Variants in RAB3GAP1 observed in about 807,000 individuals in gnomAD.
RAB3GAP1 encodes the protein RAB3 GTPase activating protein catalytic subunit 1.
A neutral mutation model predicts 130.7 loss-of-function variants in RAB3GAP1; 86 were observed. That is an observed-to-expected ratio of 0.66 (90% CI 0.55 to 0.79). RAB3GAP1 has a LOEUF of 0.79. Ranked by LOEUF, RAB3GAP1 falls within the 30% of genes least tolerant of loss-of-function variation. The probability of loss-of-function intolerance (pLI) is 0.00; values close to 1 mark genes in which losing one functional copy is unlikely to be tolerated. For missense variants in RAB3GAP1, 1,029 were observed against 1,169.4 expected (o/e 0.88, Z 1.75); for synonymous variants, 367 against 401.7 (o/e 0.91, Z 1.03).
At chr2:135,082,760 C>T (rs1030432427) in intron 3 of RAB3GAP1, among the ~76,000 whole-genome samples, 1 of 151,952 alleles carries the variant, frequency 6.6e-6, no homozygotes, top group Non-Finnish European at 1.5e-5. Flanking sequence ...ACTTTTGTAA[C>T]TGGCTTCTTT....
At chr2:135,167,797 C>A in intron 23 of RAB3GAP1, 1 of 1,172,158 alleles carries the variant, frequency 8.5e-7, no homozygotes. Context: ...CTAACCACCT[C>A]TCTCACAGTC....
chr2:135,073,036 C>T (rs185006338), intron 3 of RAB3GAP1, among the ~76,000 whole-genome samples: 31 of 152,212 alleles, frequency 2.0e-4, no homozygotes, highest in Admixed American at 1.2e-3. Context: ...GTAGCTTTCC[C>T]GGGAGAAATA....
chr2:135,131,612 G>A (rs939480675), intron 13 of RAB3GAP1, among the ~76,000 whole-genome samples: 3 of 152,200 alleles, frequency 2.0e-5, no homozygotes, highest in Non-Finnish European at 2.9e-5. Context: ...TGAATAGAGA[G>A]CTAAGGTGGC....
intron 13 of RAB3GAP1, among the ~76,000 whole-genome samples, chr2:135,130,973 A>G (rs953839370): frequency 6.6e-6 from 1 of 152,222 alleles, no homozygotes; most frequent in Admixed American, 6.5e-5. Context: ...CTGTCTGGGC[A>G]GTGGGAATCA....
In RAB3GAP1 at chr2:135,164,636, C is replaced by G. The variant is rs755368009; in HGVS notation, c.2649C>G (p.Thr883=). The G allele has an allele frequency of 1.2e-6, 2 of 1,613,390 alleles. No homozygotes were observed. Among genetic ancestry groups the G allele is most frequent in the Admixed American group, 1.7e-5 (1 of 59,992 alleles). The part of the protein sequence containing the change: ...CLLEQPEVLV[T]GAGRGHAGRI... ...TGGAGCAGCCTGAAGTGTTAGTCACCGGTGCAGGAAGAGGACATGCTGGCA... is the reference window on the plus strand; with the variant it reads ...TGGAGCAGCCTGAAGTGTTAGTCACGGGTGCAGGAAGAGGACATGCTGGCA... The change falls in exon 23 of 24, where the codon ACC becomes ACG. Residue 883 remains threonine, a synonymous_variant. Transcript: ENST00000264158.
chr2:135,101,804 T>C (rs924439040), intron 5 of RAB3GAP1, among the ~76,000 whole-genome samples: 2 of 152,010 alleles, frequency 1.3e-5, no homozygotes, highest in Admixed American at 1.3e-4. Context: ...TTTTTTTATT[T>C]TCTTTAAATA....
At chr2:135,080,131 A>AT (rs1689750693) in intron 3 of RAB3GAP1, among the ~76,000 whole-genome samples, 1 of 151,860 alleles carries the variant, frequency 6.6e-6, no homozygotes, top group African/African-American at 2.4e-5. Flanking sequence ...AAAAAAAAAA[A>AT]AAAAAAATGA....
intron 19 of RAB3GAP1, among the ~76,000 whole-genome samples, chr2:135,160,781 T>C: frequency 6.6e-6 from 1 of 151,968 alleles, no homozygotes; most frequent in African/African-American, 2.4e-5. Context: ...GTTAAATTTA[T>C]TGTATATAAT....
rs753618698 is a variant in RAB3GAP1 at position 135,168,700 on chromosome 2, G to C, written c.2865G>C (p.Leu955=). 5 of 1,614,216 alleles carry C rather than the reference G, an allele frequency of 3.1e-6. No homozygotes were observed. The highest frequency in any genetic ancestry group is 4.2e-6 in the Non-Finnish European group (5 of 1,180,038). Reference sequence around the variant, plus strand: ...GCCCTGCTCCCTACTCCAAAGCTCTGCCTCAGCGGATGTACAGTGTTCTCA... The same window carrying C: ...GCCCTGCTCCCTACTCCAAAGCTCTCCCTCAGCGGATGTACAGTGTTCTCA... The part of the protein sequence containing the change: ...VPRPAPYSKA[L]PQRMYSVLTK... Residue 955 remains leucine (L), a synonymous_variant, in exon 24 of 24, where the codon CTG becomes CTC. Transcript: ENST00000264158.
rs1407985840 is a variant in RAB3GAP1, at chr2:135,086,667, T to C, written c.151-4331T>C. On this transcript the variant is annotated intron_variant, in intron 3 of 23. Transcript: ENST00000264158. ...GTCCATTGCTTCCCCTAATCTTTTT[T>C]TTTTTTTTTTTTTTTTTTTCCTTAG... Among the ~76,000 whole-genome samples the C allele has an allele frequency of 9.7e-5, 13 of 134,274 alleles. No individual in the cohort carries two copies. The East Asian group carries it at 2.6e-3, about 27-fold the overall frequency. 88.1% of individuals were successfully genotyped at this position (134,274 alleles called of 152,430 possible).
At chr2:135,150,322 T>G (rs1401521967) in intron 17 of RAB3GAP1, 47 bp from the exon 18 acceptor site, 1 of 1,611,030 alleles carries the variant, frequency 6.2e-7, no homozygotes, top group South Asian at 1.1e-5. Flanking sequence ...GGTACTTCTT[T>G]TTCTAAAAAG....
At chr2:135,147,735 C>T (rs892258847) in intron 17 of RAB3GAP1, among the ~76,000 whole-genome samples, 9 of 151,408 alleles carry the variant, frequency 5.9e-5, no homozygotes, top group African/African-American at 2.2e-4. Flanking sequence ...ACCTCAGCTT[C>T]CTGAGTAGCT....
chr2:135,079,028 C>G (rs533908312), intron 3 of RAB3GAP1, among the ~76,000 whole-genome samples: 1 of 152,028 alleles, frequency 6.6e-6, no homozygotes, highest in South Asian at 2.1e-4. Flanking sequence ...CCACCATGCC[C>G]GGCTAATTTT....
chr2:135,121,690 C>T (rs1277047914), intron 8 of RAB3GAP1, among the ~76,000 whole-genome samples: 4 of 152,096 alleles, frequency 2.6e-5, no homozygotes, highest in Middle Eastern at 3.4e-3. Context: ...ATCTACTTCT[C>T]CTAAAGAGAA....
intron 17 of RAB3GAP1, among the ~76,000 whole-genome samples, chr2:135,138,909 C>T (rs893148480): frequency 6.6e-6 from 1 of 152,132 alleles, no homozygotes; most frequent in African/African-American, 2.4e-5. Flanking sequence ...AGCCACTGTG[C>T]CCAGCCTCAA....
At chr2:135,140,789 T>G (rs1302208975) in intron 17 of RAB3GAP1, among the ~76,000 whole-genome samples, 1 of 152,174 alleles carries the variant, frequency 6.6e-6, no homozygotes, top group Non-Finnish European at 1.5e-5. Context: ...ATAAACCATA[T>G]TATTTGCACA....
chr2:135,141,219 CACTT>C (rs1051186953), intron 17 of RAB3GAP1, among the ~76,000 whole-genome samples: 3 of 142,918 alleles, frequency 2.1e-5, no homozygotes, highest in Non-Finnish European at 4.5e-5. Flanking sequence ...CTTATCTATT[CACTT>C]ACTTCTTTTT....
intron 11 of RAB3GAP1, among the ~76,000 whole-genome samples, chr2:135,127,467 C>T (rs992022010): frequency 6.6e-6 from 1 of 151,874 alleles, no homozygotes; most frequent in Non-Finnish European, 1.5e-5. Flanking sequence ...CTTCAGCCTC[C>T]GGAGTAGCTG....
intron 11 of RAB3GAP1, among the ~76,000 whole-genome samples, chr2:135,128,940 C>T (rs1020329382): frequency 2.6e-5 from 4 of 152,136 alleles, no homozygotes; most frequent in South Asian, 2.1e-4. Context: ...TGCTTGAGCC[C>T]GGGAGTTTGA....
Sources: allele counts gnomAD v4.1 joint callset (sites outside exome capture counted in the v4.1 genomes callset), GRCh38; gene constraint gnomAD v4.1.1; transcripts MANE v1.5; gene names NCBI Gene and HGNC (gene_info 2026-07-23, HGNC 2026-07-21).